The following NREP variants were observed in gnomAD, a reference collection of about 807,000 sequenced individuals.
NREP encodes neuronal regeneration related protein, also known as neuronal regeneration-related protein.
NREP carries 5 observed loss-of-function variants against 8.6 expected under a neutral mutation model. The observed-to-expected ratio is 0.58, with a 90% CI of 0.30 to 1.22. The LOEUF (loss-of-function observed/expected upper bound fraction) is 1.22, where lower values mean the gene tolerates loss of function less well. Ranked by LOEUF, NREP falls within the 50% of genes most tolerant of loss-of-function variation. NREP has a pLI of 0.07. For synonymous variants in NREP, 27 were observed against 28.0 expected (o/e 0.96, Z 0.11); for missense variants, 86 against 82.5 (o/e 1.04, Z -0.17).
intron 2 of NREP, among the ~76,000 whole-genome samples, chr5:111,904,331 AT>A (rs1250584755): frequency 6.6e-6 from 1 of 152,140 alleles, no homozygotes; most frequent in Non-Finnish European, 1.5e-5. Flanking sequence ...ATGATAAATA[AT>A]TGTGTGTAAA....
chr5:111,744,332 T>G (rs1269562113), intron 2 of NREP, among the ~76,000 whole-genome samples: 1 of 152,050 alleles, frequency 6.6e-6, no homozygotes, highest in African/African-American at 2.4e-5. Flanking sequence ...ACCACTAAAT[T>G]TGGAGGGAAA....
chr5:111,926,237 T>A (rs1755380543), intron 2 of NREP, among the ~76,000 whole-genome samples: 1 of 151,830 alleles, frequency 6.6e-6, no homozygotes, highest in Non-Finnish European at 1.5e-5. Flanking sequence ...TTGGAAGTGG[T>A]GAAACTAGAG....
At chr5:111,907,765 C>T (rs1285368585) in intron 2 of NREP, among the ~76,000 whole-genome samples, 1 of 152,002 alleles carries the variant, frequency 6.6e-6, no homozygotes, top group African/African-American at 2.4e-5. Context: ...ACCTAGAAAA[C>T]TCCTACTTAA....
At chr5:111,903,123 A>AC (rs1242909091) in intron 2 of NREP, among the ~76,000 whole-genome samples, 5 of 144,358 alleles carry the variant, frequency 3.5e-5, no homozygotes, top group African/African-American at 1.3e-4. Context: ...TCACTCTGTA[A>AC]CCCAGGCTGG....
intron 2 of NREP, among the ~76,000 whole-genome samples, chr5:111,740,290 T>C (rs1411175308): frequency 3.3e-5 from 5 of 152,156 alleles, no homozygotes; most frequent in Non-Finnish European, 5.9e-5. Flanking sequence ...ATTTTATGCT[T>C]TTGGGTATAA....
chr5:111,967,262 T>C, intron 2 of NREP, among the ~76,000 whole-genome samples: 1 of 149,400 alleles, frequency 6.7e-6, no homozygotes, highest in Admixed American at 6.7e-5. Context: ...CAGTAACTTC[T>C]CTCTCCTTTG....
upstream of NREP, chr5:111,758,140 G>A: frequency 2.0e-6 from 2 of 985,484 alleles, no homozygotes; most frequent in Non-Finnish European, 2.4e-6. Context: ...GGGTACGCGC[G>A]CCCCACTCCC....
chr5:111,801,092 C>T (rs1751994256), intron 2 of NREP, among the ~76,000 whole-genome samples: 1 of 152,192 alleles, frequency 6.6e-6, no homozygotes, highest in Non-Finnish European at 1.5e-5. Flanking sequence ...AGGGGCTTGT[C>T]CTTGAGAAAG....
chr5:111,918,893 GAAAAC>G (rs57221084), intron 2 of NREP, among the ~76,000 whole-genome samples: 9,674 of 151,698 alleles, frequency 0.064, 690 homozygotes, highest in East Asian at 0.22. Flanking sequence ...CTTCTGCACA[GAAAAC>G]AAAACAAAAC....
chr5:111,861,060 T>C (rs1001116880), intron 2 of NREP, among the ~76,000 whole-genome samples: 17 of 151,812 alleles, frequency 1.1e-4, no homozygotes, highest in African/African-American at 4.1e-4. Flanking sequence ...CTGGAAGAAA[T>C]AGATGGGAAA....
intron 2 of NREP, among the ~76,000 whole-genome samples, chr5:111,774,239 A>C (rs1030732148): frequency 1.7e-5 from 2 of 117,400 alleles, no homozygotes; most frequent in African/African-American, 7.5e-5. Context: ...GAGGGAAGGA[A>C]GAAGGGAGGG....
chr5:111,916,377 C>T (rs1179847926), intron 2 of NREP, among the ~76,000 whole-genome samples: 1 of 151,988 alleles, frequency 6.6e-6, no homozygotes, highest in Non-Finnish European at 1.5e-5. Flanking sequence ...CACTCCCAGC[C>T]CACCCTGGAC....
chr5:111,793,221 T>G (rs1293989934), intron 2 of NREP, among the ~76,000 whole-genome samples: 1 of 152,218 alleles, frequency 6.6e-6, no homozygotes, highest in Admixed American at 6.5e-5. Context: ...ACCAATAGGA[T>G]ATATATAGAT....
upstream of NREP, chr5:111,758,216 C>T: frequency 1.0e-6 from 1 of 985,536 alleles, no homozygotes; most frequent in South Asian, 4.7e-5. Context: ...TGTGGCTGCG[C>T]GTGCACACAC....
At chr5:111,771,426 TACACACACACACACACACAC>T (rs111799670) in intron 2 of NREP, among the ~76,000 whole-genome samples, 36 of 147,302 alleles carry the variant, frequency 2.4e-4, no homozygotes, top group African/African-American at 8.0e-4. Flanking sequence ...CATAGTCTTT[TACACACACACACACACACAC>T]ACACACACAC....
chr5:111,895,577 A>G (rs1166036464), intron 2 of NREP, among the ~76,000 whole-genome samples: 2 of 152,132 alleles, frequency 1.3e-5, no homozygotes, highest in Non-Finnish European at 2.9e-5. Flanking sequence ...TGGGTGAGGC[A>G]GGCAGGGATA....
chr5:111,885,675 T>A (rs1489397338), intron 2 of NREP, among the ~76,000 whole-genome samples: 17 of 151,872 alleles, frequency 1.1e-4, no homozygotes, highest in African/African-American at 2.4e-4. Context: ...CCGCATATCT[T>A]CAACTATCTG....
At chr5:111,969,878 G>A (rs1222767609) in intron 2 of NREP, among the ~76,000 whole-genome samples, 3 of 152,148 alleles carry the variant, frequency 2.0e-5, no homozygotes, top group Non-Finnish European at 1.5e-5. Context: ...GATTGAGAAG[G>A]GTGGGGACTA....
chr5:111,903,079 T>C (rs2112551244), intron 2 of NREP, among the ~76,000 whole-genome samples: 1 of 145,906 alleles, frequency 6.9e-6, no homozygotes, highest in African/African-American at 2.7e-5. Context: ...TCTTGTCTTT[T>C]CTCTTTTTTT....
Sources: gnomAD v4.1 joint callset for allele counts (sites outside exome capture counted in the v4.1 genomes callset) on GRCh38, gnomAD v4.1.1 for gene constraint, MANE v1.5 for transcripts, NCBI Gene and HGNC (gene_info 2026-07-23, HGNC 2026-07-21) for gene names.